Variants in LRRC7 observed in about 807,000 individuals in gnomAD.
The protein encoded by LRRC7 is leucine rich repeat containing 7.
A neutral mutation model predicts 175.7 loss-of-function variants in LRRC7; 23 were observed. The observed-to-expected ratio is 0.13, with a 90% CI of 0.09 to 0.19. The LOEUF (loss-of-function observed/expected upper bound fraction) is 0.19. Among genes scored for constraint, LRRC7 ranks in the 10% least tolerant of loss-of-function variants. The pLI is 1.00. For missense variants in LRRC7, 1,354 were observed against 1,904.7 expected (o/e 0.71, Z 5.38); for synonymous variants, 685 against 680.9 (o/e 1.01, Z -0.09).
At position 70,023,324 on chromosome 1, in the gene LRRC7, T is replaced by C. The variant is rs1370377168; in HGVS notation, c.1744T>C (p.Leu582=). 2.5e-6 allele frequency: 4 copies of C among 1,612,562 alleles called. No individual in the cohort carries two copies. Among genetic ancestry groups the C allele is most frequent in the South Asian group, 2.2e-5 (2 of 90,830 alleles). ...GCAGGAAAGGAGCATGTGTACTCCA[T>C]TGCCAGTTGCAGCACAATCCACCAC... ...LQQERSMCTP[L]PVAAQSTTLP... The change falls in exon 17 of 27, where the codon TTG becomes CTG. Residue 582 remains leucine (L), a synonymous_variant. Coordinates refer to ENST00000651989, the MANE Select transcript of LRRC7 (RefSeq NM_001370785.2).
intron 7 of LRRC7, among the ~76,000 whole-genome samples, chr1:69,925,571 T>G (rs1471521152): frequency 6.6e-6 from 1 of 152,148 alleles, no homozygotes; most frequent in Non-Finnish European, 1.5e-5. Context: ...CTTCTAGATT[T>G]TCTAGTTTAT....
At chr1:69,817,018 A>G (rs1248932067) in intron 4 of LRRC7, among the ~76,000 whole-genome samples, 1 of 152,092 alleles carries the variant, frequency 6.6e-6, no homozygotes, top group African/African-American at 2.4e-5. Context: ...GCACATATAT[A>G]CTATGTGCAT....
intron 23 of LRRC7, among the ~76,000 whole-genome samples, chr1:70,066,923 T>C (rs1308865632): frequency 6.6e-6 from 1 of 152,116 alleles, no homozygotes; most frequent in Non-Finnish European, 1.5e-5. Context: ...GTCTTAGTCA[T>C]TCTGTTAGGT....
Position 69,710,568 on chromosome 1 carries a change from C to T in LRRC7, c.100+32090C>T, listed in dbSNP as rs553665159. On this transcript the variant is annotated intron_variant, in intron 2 of 26. Transcript: ENST00000651989. Reference sequence around the variant, plus strand: ...TGTCTTTTTCTTACTGGGCGTAAGGCAAAACCATGTGCATGAAAGAAACTT... The same window carrying T: ...TGTCTTTTTCTTACTGGGCGTAAGGTAAAACCATGTGCATGAAAGAAACTT... Among the ~76,000 whole-genome samples, 5 of 152,214 alleles carry T rather than the reference C, an allele frequency of 3.3e-5. No individual in the cohort carries two copies. In the South Asian group the frequency reaches 1.0e-3, roughly 32 times the overall value.
chr1:70,021,180 G>A, intron 16 of LRRC7, 51 bp downstream of exon 16: 1 of 1,569,886 alleles, frequency 6.4e-7, no homozygotes, highest in Non-Finnish European at 8.7e-7. Flanking sequence ...CTTTTTGTTT[G>A]TCCGTTTTTC....
At chr1:70,028,123 G>C in intron 17 of LRRC7, 48 bp from the exon 18 acceptor site, 1 of 1,495,244 alleles carries the variant, frequency 6.7e-7, no homozygotes, top group South Asian at 1.2e-5. Flanking sequence ...TTGTGAACAT[G>C]CTTGCTGAAG....
intron 2 of LRRC7, among the ~76,000 whole-genome samples, chr1:69,756,705 T>C (rs1174802309): frequency 6.6e-6 from 1 of 151,868 alleles, no homozygotes; most frequent in East Asian, 1.9e-4. Context: ...AATAAATCCT[T>C]TTTCAGCAAG....
intron 3 of LRRC7, among the ~76,000 whole-genome samples, chr1:69,764,666 G>C (rs755417759): frequency 2.0e-5 from 3 of 151,578 alleles, no homozygotes; most frequent in Non-Finnish European, 4.4e-5. Context: ...AGTAAAACTC[G>C]GGAAGTAACA....
rs996691171 is a variant in LRRC7 at position 69,887,517 on chromosome 1, G to A, written c.648-43990G>A. Among the ~76,000 whole-genome samples, 87 of 150,270 alleles carry A rather than the reference G, an allele frequency of 5.8e-4. 2 individuals are homozygous for A. The highest frequency in any genetic ancestry group is 3.4e-3 in the Middle Eastern group (1 of 290). On this transcript the variant is annotated intron_variant, in intron 7 of 26. Transcript: ENST00000651989. The stretch of plus-strand genomic sequence containing the variant: ...TATTGGTTATTCTAGTTATACATTC[G>A]TCTAAATTTTTTTCAAAGTTTTCAA...
At chr1:69,829,942 G>A (rs1445580641) in intron 5 of LRRC7, among the ~76,000 whole-genome samples, 1 of 151,638 alleles carries the variant, frequency 6.6e-6, no homozygotes, top group Non-Finnish European at 1.5e-5. Flanking sequence ...ACTACAAAAT[G>A]TACCATAAAA....
At chr1:70,031,990 T>C (rs1198534518) in intron 18 of LRRC7, among the ~76,000 whole-genome samples, 1 of 151,920 alleles carries the variant, frequency 6.6e-6, no homozygotes, top group Non-Finnish European at 1.5e-5. Context: ...GTAGAGACAG[T>C]GTTTCACCAT....
At chr1:69,626,332 C>T (rs945908751) in intron 1 of LRRC7, among the ~76,000 whole-genome samples, 1 of 150,258 alleles carries the variant, frequency 6.7e-6, no homozygotes. Context: ...TGGATCTTGA[C>T]CCCATATTTC....
intron 1 of LRRC7, among the ~76,000 whole-genome samples, chr1:69,627,851 G>C (rs1408821029): frequency 7.5e-6 from 1 of 132,678 alleles, no homozygotes; most frequent in Non-Finnish European, 1.8e-5. Flanking sequence ...AATATAATTT[G>C]GTATATAATG....
chr1:69,862,283 T>C (rs1458949972), intron 7 of LRRC7, among the ~76,000 whole-genome samples: 1 of 152,192 alleles, frequency 6.6e-6, no homozygotes, highest in African/African-American at 2.4e-5. Flanking sequence ...AAACTGGTAG[T>C]GTGTTCTTAT....
intron 2 of LRRC7, among the ~76,000 whole-genome samples, chr1:69,735,861 C>G (rs1201520954): frequency 6.6e-6 from 1 of 151,852 alleles, no homozygotes; most frequent in African/African-American, 2.4e-5. Flanking sequence ...CCTTTTCAAT[C>G]TCTCTCTCTA....
intron 1 of LRRC7, among the ~76,000 whole-genome samples, chr1:69,675,661 C>T (rs1659660838): frequency 6.6e-6 from 1 of 152,070 alleles, no homozygotes; most frequent in South Asian, 2.1e-4. Flanking sequence ...TGCCGAAACA[C>T]ATAATCAAAA....
At chr1:69,921,996 G>A (rs1235719626) in intron 7 of LRRC7, among the ~76,000 whole-genome samples, 1 of 152,074 alleles carries the variant, frequency 6.6e-6, no homozygotes, top group African/African-American at 2.4e-5. Context: ...CACTATCTCG[G>A]CTCACTGCAA....
Position 70,053,130 on chromosome 1 carries a change from C to T in LRRC7, c.4215C>T (p.Asp1405=), listed in dbSNP as rs767763471. 6.2e-7 allele frequency: 1 copy of T among 1,608,148 alleles called. No individual in the cohort carries two copies. Among genetic ancestry groups the T allele is most frequent in the Non-Finnish European group, 8.5e-7 (1 of 1,177,020 alleles). ...YPLGRRDVPP[D]TITKKAGSHI... is the part of the protein sequence containing the mutation. Reference sequence around the variant, plus strand: ...TTGGGAGGCGGGATGTACCTCCGGACACCATTACTAAGAAGGTAACCAATT... The same window carrying T: ...TTGGGAGGCGGGATGTACCTCCGGATACCATTACTAAGAAGGTAACCAATT... The change falls in exon 23 of 27, where the codon GAC becomes GAT. Residue 1405 remains aspartate (D), a synonymous_variant. Coordinates refer to ENST00000651989, the MANE Select transcript of LRRC7 (RefSeq NM_001370785.2).
At chr1:69,588,230 G>C (rs541881630) in intron 1 of LRRC7, among the ~76,000 whole-genome samples, 5 of 152,110 alleles carry the variant, frequency 3.3e-5, no homozygotes, top group African/African-American at 1.2e-4. Flanking sequence ...TATTTTAATT[G>C]TTGATGTGTC....
Sources: allele counts gnomAD v4.1 joint callset (sites outside exome capture counted in the v4.1 genomes callset), GRCh38; gene constraint gnomAD v4.1.1; transcripts MANE v1.5; gene names NCBI Gene and HGNC (gene_info 2026-07-23, HGNC 2026-07-21).